TBC1D5: variants seen among roughly 807,000 people sequenced by gnomAD.
The protein encoded by TBC1D5 is TBC1 domain family, member 5.
In TBC1D5, 75 loss-of-function variants were observed where a neutral mutation model predicts 100.3. That is an observed-to-expected ratio of 0.75 (90% CI 0.62 to 0.91). The LOEUF is 0.91. Ranked by LOEUF, TBC1D5 falls within the 40% of genes least tolerant of loss-of-function variation. The pLI is 0.00. For missense variants in TBC1D5, 910 were observed against 942.4 expected (o/e 0.97, Z 0.45); for synonymous variants, 323 against 325.6 (o/e 0.99, Z 0.09).
intron 1 of TBC1D5, among the ~76,000 whole-genome samples, chr3:17,679,875 AC>A (rs1042541833): frequency 6.6e-6 from 1 of 151,442 alleles, no homozygotes; most frequent in Non-Finnish European, 1.5e-5. Flanking sequence ...AGACTAGCTG[AC>A]CCTTGCATTG....
exon 22 of TBC1D5, chr3:17,160,700 TC>T (rs1327376312): frequency 2.2e-6 from 1 of 456,600 alleles, no homozygotes; most frequent in Non-Finnish European, 3.9e-6. Flanking sequence ...GGTACGTAAC[TC>T]AGCTCTAACT....
intron 19 of TBC1D5, among the ~76,000 whole-genome samples, chr3:17,168,892 C>G (rs569081940): frequency 6.6e-6 from 1 of 152,266 alleles, no homozygotes; most frequent in Admixed American, 6.5e-5. Flanking sequence ...ATGCTTGGCC[C>G]CGTACAGCTA....
chr3:17,182,501 T>C (rs1210546859), intron 19 of TBC1D5, among the ~76,000 whole-genome samples: 2 of 152,224 alleles, frequency 1.3e-5, no homozygotes, highest in Non-Finnish European at 2.9e-5. Flanking sequence ...GAGGCTTAAG[T>C]AAAGCTGCTT....
In TBC1D5 at chr3:17,414,852, A is replaced by G. The variant is rs1299384437; in HGVS notation, c.168-8326T>C. ...CTCCTCCATAATGAAACATCAGGGC[A>G]TATCTCTTATACATAAATATATATA... is the stretch of plus-strand genomic sequence containing the variant. On this transcript the variant is annotated intron_variant, in intron 4 of 21. Coordinates refer to ENST00000253692, the Ensembl canonical transcript of TBC1D5. Among the ~76,000 whole-genome samples, 3 of 152,166 alleles carry G rather than the reference A, an allele frequency of 2.0e-5. No individual in the cohort carries two copies. In the South Asian group the frequency reaches 6.2e-4, roughly 32 times the overall value.
chr3:17,727,626 G>A (rs2076233172), intron 1 of TBC1D5, among the ~76,000 whole-genome samples: 2 of 152,090 alleles, frequency 1.3e-5, no homozygotes, highest in South Asian at 4.1e-4. Flanking sequence ...TACCAAAATT[G>A]ATCCAAGAAA....
At chr3:17,313,258 G>C (rs1333075277) in intron 13 of TBC1D5, among the ~76,000 whole-genome samples, 1 of 152,034 alleles carries the variant, frequency 6.6e-6, no homozygotes, top group Non-Finnish European at 1.5e-5. Flanking sequence ...GTAAGCTACT[G>C]GGTATCTCCT....
intron 1 of TBC1D5, among the ~76,000 whole-genome samples, chr3:17,668,884 G>C (rs1169901125): frequency 6.6e-6 from 1 of 152,092 alleles, no homozygotes; most frequent in Non-Finnish European, 1.5e-5. Context: ...ATAGAGTGTG[G>C]AGGCAGTCAG....
intron 18 of TBC1D5, among the ~76,000 whole-genome samples, chr3:17,213,437 A>G (rs2073224997): frequency 6.6e-6 from 1 of 152,232 alleles, no homozygotes; most frequent in African/African-American, 2.4e-5. Context: ...AGCAGTGGAT[A>G]TGCCTTAGCT....
intron 1 of TBC1D5, among the ~76,000 whole-genome samples, chr3:17,677,531 C>T (rs1044237668): frequency 1.2e-4 from 19 of 152,194 alleles, no homozygotes; most frequent in African/African-American, 4.6e-4. Flanking sequence ...AATAGGAACA[C>T]TTTTACACTG....
chr3:17,399,170 T>G (rs945772539), intron 8 of TBC1D5, among the ~76,000 whole-genome samples: 1 of 152,216 alleles, frequency 6.6e-6, no homozygotes, highest in East Asian at 1.9e-4. Flanking sequence ...GGGTATGTAT[T>G]AGAGAAACTG....
chr3:17,487,995 CCA>C (rs2095591745), intron 3 of TBC1D5, among the ~76,000 whole-genome samples: 2 of 152,116 alleles, frequency 1.3e-5, no homozygotes, highest in Admixed American at 1.3e-4. Flanking sequence ...TTATTAAACT[CCA>C]TAGTTTTACA....
exon 19 of TBC1D5, chr3:17,185,170 C>T: frequency 1.9e-6 from 3 of 1,613,412 alleles, no homozygotes; most frequent in Non-Finnish European, 2.5e-6. Flanking sequence ...CATTCAACTG[C>T]CCTTGAAGGA....
chr3:17,531,903 A>G (rs1249063749), intron 2 of TBC1D5, among the ~76,000 whole-genome samples: 4 of 152,200 alleles, frequency 2.6e-5, no homozygotes, highest in Admixed American at 6.5e-5. Context: ...CCTAGGCATT[A>G]CCATTCAGGA....
intron 13 of TBC1D5, among the ~76,000 whole-genome samples, chr3:17,358,852 G>C (rs189095000): frequency 8.7e-4 from 132 of 151,612 alleles, no homozygotes; most frequent in Middle Eastern, 3.4e-3. Flanking sequence ...CTTTGGAGAT[G>C]GTACACTGGT....
intron 3 of TBC1D5, among the ~76,000 whole-genome samples, chr3:17,499,514 A>G (rs1560028044): frequency 6.7e-6 from 1 of 148,644 alleles, no homozygotes; most frequent in African/African-American, 2.6e-5. Flanking sequence ...GGCAACATGG[A>G]AAGACCCTGT....
chr3:17,440,715 T>C (rs897930417), intron 3 of TBC1D5, among the ~76,000 whole-genome samples: 9 of 152,078 alleles, frequency 5.9e-5, no homozygotes, highest in African/African-American at 2.2e-4. Context: ...GTTCTCGGCT[T>C]ACTGCAACCT....
intron 1 of TBC1D5, among the ~76,000 whole-genome samples, chr3:17,722,225 T>C (rs557095760): frequency 6.6e-6 from 1 of 152,332 alleles, no homozygotes; most frequent in Non-Finnish European, 1.5e-5. Flanking sequence ...CTTGCCAGAT[T>C]TAATTAACGC....
At chr3:17,492,665 A>C (rs2095653843) in intron 3 of TBC1D5, among the ~76,000 whole-genome samples, 1 of 152,078 alleles carries the variant, frequency 6.6e-6, no homozygotes, top group Non-Finnish European at 1.5e-5. Context: ...TGATCTCCTG[A>C]CCTCAAGTGA....
intron 13 of TBC1D5, among the ~76,000 whole-genome samples, chr3:17,339,606 G>T (rs577279736): frequency 2.2e-4 from 33 of 152,276 alleles, no homozygotes; most frequent in African/African-American, 7.7e-4. Context: ...GTAATTAAGA[G>T]AAACTAATTT....
Sources: gnomAD v4.1 joint callset for allele counts (sites outside exome capture counted in the v4.1 genomes callset) on GRCh38, gnomAD v4.1.1 for gene constraint, MANE v1.5 for transcripts, NCBI Gene and HGNC (gene_info 2026-07-23, HGNC 2026-07-21) for gene names.